Variants in COL4A5 observed in about 807,000 individuals in gnomAD.
COL4A5 encodes the protein collagen alpha-5(IV) chain.
Under a neutral mutation model 130.2 loss-of-function variants are expected in COL4A5, and 26 were observed. The ratio of observed to expected loss-of-function variants is 0.20; its 90% confidence interval spans 0.15 to 0.28. The LOEUF is 0.28. Among genes scored for constraint, COL4A5 ranks in the 10% least tolerant of loss-of-function variants. COL4A5 has a pLI of 1.00. For missense variants in COL4A5, 1,131 were observed against 1,344.3 expected (o/e 0.84, Z 2.48); for synonymous variants, 496 against 439.6 (o/e 1.13, Z -1.60).
chrX:108,654,547 G>T (rs149679593), intron 36 of COL4A5, among the ~76,000 whole-genome samples: 1,657 of 112,612 alleles, frequency 0.015, 25 homozygotes, highest in African/African-American at 0.051. Context: ...ATAGGCTGAA[G>T]CCATCCTCCC....
intron 36 of COL4A5, among the ~76,000 whole-genome samples, chrX:108,652,359 G>T (rs755536741): frequency 2.0e-4 from 22 of 112,639 alleles, no homozygotes; most frequent in African/African-American, 6.7e-4. Flanking sequence ...TCCAAATACA[G>T]ATAAGGTTGT....
intron 2 of COL4A5, among the ~76,000 whole-genome samples, chrX:108,542,312 G>A (rs1384887406): frequency 2.0e-5 from 2 of 101,277 alleles, no homozygotes; most frequent in Non-Finnish European, 4.0e-5. Context: ...CTGTGTCCAA[G>A]TGTTCTCATT....
At chrX:108,470,269 G>C (rs1474466338) in intron 1 of COL4A5, among the ~76,000 whole-genome samples, 2 of 112,392 alleles carry the variant, frequency 1.8e-5, no homozygotes, top group Non-Finnish European at 3.8e-5. Flanking sequence ...CGGTGTACAA[G>C]CATTCCCTTT....
In COL4A5 at chrX:108,665,384, T is replaced by C. The variant is rs911978337; in HGVS notation, c.3374-123T>C. On this transcript the variant is annotated intron_variant, in intron 37 of 52. Coordinates refer to ENST00000328300, the MANE Select transcript of COL4A5 (RefSeq NM_033380.3). ...TAAAAATAGCCAACAAACACCAGCA[T>C]CTTTTGGGTTTCTTTTTGTTCTTCA... 7 of 486,296 alleles carry C rather than the reference T, an allele frequency of 1.4e-5. No homozygotes were observed. In the African/African-American group the frequency reaches 1.7e-4, roughly 12 times the overall value. 40.1% of individuals were successfully genotyped at this position (486,296 alleles called of 1,213,427 possible). A position where few individuals can be genotyped will look rare whatever the true frequency, so the allele number is the denominator to read the frequency against.
intron 30 of COL4A5, among the ~76,000 whole-genome samples, chrX:108,619,749 GTAC>G (rs1325312440): frequency 2.7e-5 from 3 of 111,884 alleles, no homozygotes; most frequent in Admixed American, 9.5e-5. Flanking sequence ...ATAGAGATGT[GTAC>G]TAATAATTTA....
At chrX:108,607,853 A>AT (rs2066763140) in intron 29 of COL4A5, among the ~76,000 whole-genome samples, 1 of 111,009 alleles carries the variant, frequency 9.0e-6, no homozygotes, top group Non-Finnish European at 1.9e-5. Flanking sequence ...TTTGCACTTT[A>AT]TTTTTTTACT....
At position 108,554,912 on chromosome X, in the gene COL4A5, A is replaced by G. The variant is rs543659019; in HGVS notation, c.142-4152A>G. ...AAAAACCCCAAACTTTTAAAATAGT[A>G]TACTCTACGCATGTATGATTTATTC... On this transcript the variant is annotated intron_variant, in intron 2 of 52. Transcript: ENST00000328300. Among the ~76,000 whole-genome samples, 3 of 112,266 alleles carry G rather than the reference A, an allele frequency of 2.7e-5. No individual in the cohort carries two copies. In the South Asian group the frequency reaches 1.1e-3, roughly 41 times the overall value.
rs762726134 is a variant in COL4A5 at position 108,680,700 on chromosome X, C to G, written c.3964C>G (p.Leu1322Val). The G allele has an allele frequency of 1.7e-6, 2 of 1,210,359 alleles. No homozygotes were observed. Among genetic ancestry groups the G allele is most frequent in the Admixed American group, 4.4e-5 (2 of 45,881 alleles). ...TCAGGGTAATCCTGGCCGGCCGGGTCTCAATGGAATGAAAGGAGATCCTGG... is the reference window on the plus strand; with the variant it reads ...TCAGGGTAATCCTGGCCGGCCGGGTGTCAATGGAATGAAAGGAGATCCTGG... ...GLQGNPGRPG[L>V]NGMKGDPGLP... The change falls in exon 45 of 53, where the codon CTC (leucine) becomes GTC (valine). Residue 1322 changes from leucine (L) to valine (V), a missense_variant. Physicochemically the swap from Leu to Val is conservative, Grantham distance 32 (BLOSUM62 1). Transcript: ENST00000328300.
chrX:108,592,164 A>G (rs1251946016), intron 21 of COL4A5, among the ~76,000 whole-genome samples: 1 of 111,814 alleles, frequency 8.9e-6, no homozygotes, highest in African/African-American at 3.2e-5. Context: ...TAAAGCAATA[A>G]CAAGAGAACT....
chrX:108,558,047 T>C (rs1603275835), intron 2 of COL4A5, among the ~76,000 whole-genome samples: 1 of 104,903 alleles, frequency 9.5e-6, no homozygotes, highest in Middle Eastern at 4.8e-3. Flanking sequence ...TTACATTAGG[T>C]ATATCTCCTA....
At chrX:108,587,016 G>A (rs2066347894) in intron 19 of COL4A5, among the ~76,000 whole-genome samples, 1 of 110,694 alleles carries the variant, frequency 9.0e-6, no homozygotes, top group Admixed American at 9.7e-5. Flanking sequence ...CATATTTATG[G>A]GATACATGTG....
intron 1 of COL4A5, among the ~76,000 whole-genome samples, chrX:108,471,654 C>A (rs1290646293): frequency 9.0e-6 from 1 of 111,327 alleles, no homozygotes; most frequent in Non-Finnish European, 1.9e-5. Context: ...GATTGCTCTG[C>A]CTAGGACTTC....
rs1054106368 is a variant in COL4A5 at position 108,601,258 on chromosome X, T to A, written c.1949-135T>A. On this transcript the variant is annotated intron_variant, in intron 25 of 52. Transcript: ENST00000328300. ...ATTTCTTGAATATATAGTGGAAGAT[T>A]GTTTTTCTTGTGAATTTTTGTTAGT... The A allele has an allele frequency of 8.2e-6, 4 of 487,395 alleles. No homozygotes were observed. The African/African-American group carries it at 9.7e-5, about 12-fold the overall frequency. 40.2% of individuals were successfully genotyped at this position (487,395 alleles called of 1,213,427 possible). A position where few individuals can be genotyped will look rare whatever the true frequency, so the allele number is the denominator to read the frequency against.
intron 16 of COL4A5, 120 bp from the exon 17 acceptor site, chrX:108,582,764 G>T: frequency 2.2e-6 from 1 of 455,212 alleles, no homozygotes; most frequent in Non-Finnish European, 4.0e-6. Flanking sequence ...AGTTCTGAAA[G>T]TTAATTCTGA....
intron 44 of COL4A5, 41 bp from the exon 45 acceptor site, chrX:108,680,638 G>A: frequency 2.7e-6 from 3 of 1,124,941 alleles, no homozygotes; most frequent in Middle Eastern, 3.0e-4. Flanking sequence ...TCCTCCCCTC[G>A]CTGCAATTTT....
intron 2 of COL4A5, among the ~76,000 whole-genome samples, chrX:108,546,784 AT>A (rs2065664510): frequency 9.0e-6 from 1 of 111,038 alleles, no homozygotes; most frequent in African/African-American, 3.3e-5. Context: ...ATAGTCCCAT[AT>A]TTCTTGGAGG....
Position 108,696,291 on chromosome X carries a change from T to G in COL4A5, c.4995-6T>G. On this transcript the variant is annotated splice_region_variant and splice_polypyrimidine_tract_variant and intron_variant, in intron 52 of 52. Coordinates refer to ENST00000328300, the MANE Select transcript of COL4A5 (RefSeq NM_033380.3). ...GGATCTGATTGTCTTATTTCTTATTTCCCAGTAAACCTCAGTCAGAAACGC... is the reference window on the plus strand; with the variant it reads ...GGATCTGATTGTCTTATTTCTTATTGCCCAGTAAACCTCAGTCAGAAACGC... 1 of 1,197,976 alleles carries G rather than the reference T, an allele frequency of 8.3e-7. No homozygotes were observed. Among genetic ancestry groups the G allele is most frequent in the Non-Finnish European group, 1.1e-6 (1 of 882,972 alleles).
chrX:108,557,428 G>A (rs73526252), intron 2 of COL4A5, among the ~76,000 whole-genome samples: 11,610 of 111,508 alleles, frequency 0.1, 1,278 homozygotes, highest in African/African-American at 0.34. Flanking sequence ...AAAATAAGAA[G>A]TGTAGTAATA....
intron 1 of COL4A5, among the ~76,000 whole-genome samples, chrX:108,504,994 A>G (rs2065111612): frequency 8.9e-6 from 1 of 112,046 alleles, no homozygotes; most frequent in Non-Finnish European, 1.9e-5. Context: ...GTGCCCATCA[A>G]CCAAGGAGTA....
Sources: gnomAD v4.1 joint callset for allele counts (sites outside exome capture counted in the v4.1 genomes callset) on GRCh38, gnomAD v4.1.1 for gene constraint, MANE v1.5 for transcripts, NCBI Gene and HGNC (gene_info 2026-07-23, HGNC 2026-07-21) for gene names.